Variants in CA10 observed in about 807,000 individuals in gnomAD.
The protein encoded by CA10 is carbonic anhydrase-related protein 10.
In CA10, 14 loss-of-function variants were observed where a neutral mutation model predicts 44.2. The ratio of observed to expected loss-of-function variants is 0.32; its 90% confidence interval spans 0.21 to 0.50. CA10 has a LOEUF of 0.50. Among genes scored for constraint, CA10 ranks in the 20% least tolerant of loss-of-function variants. The pLI is 0.99. For synonymous variants in CA10, 159 were observed against 141.6 expected (o/e 1.12, Z -0.87); for missense variants, 350 against 409.7 (o/e 0.85, Z 1.26).
rs368031143 is a variant in CA10 at position 52,092,254 on chromosome 17, G to T, written c.62-19861C>A. Among the ~76,000 whole-genome samples the T allele has an allele frequency of 1.2e-4, 18 of 152,202 alleles. No individual in the cohort carries two copies. The East Asian group carries it at 2.9e-3, about 25-fold the overall frequency. ...AGAATTTTTTCTTAAAAGGGAAGGG[G>T]ACTAATATAGCATTTACTTTTTCTG... On this transcript the variant is annotated intron_variant, in intron 1 of 8. Coordinates refer to ENST00000451037, the MANE Select transcript of CA10 (RefSeq NM_020178.5).
intron 4 of CA10, among the ~76,000 whole-genome samples, chr17:51,744,502 G>A (rs58617634): frequency 8.2e-5 from 12 of 146,382 alleles, no homozygotes; most frequent in African/African-American, 1.4e-4. Context: ...AGCACTTTGT[G>A]GGGGGGCCAA....
At chr17:51,845,322 C>T (rs1479926210) in intron 3 of CA10, among the ~76,000 whole-genome samples, 2 of 152,182 alleles carry the variant, frequency 1.3e-5, no homozygotes, top group African/African-American at 2.4e-5. Flanking sequence ...TTGGATCTCT[C>T]ACTCCAGTGG....
chr17:51,652,963 G>A (rs2106328), intron 5 of CA10, among the ~76,000 whole-genome samples: 66,749 of 151,726 alleles, frequency 0.44, 15,658 homozygotes, highest in Admixed American at 0.53. Flanking sequence ...TTGCATACCT[G>A]CTTCTCTCTA....
chr17:51,724,610 T>C lies in CA10; in HGVS notation c.465+23023A>G, dbSNP rs112851532. Reference sequence around the variant, plus strand: ...TGGAAAACGGTGGGTAAATTTTTCCTTTTTTTAAATTTTGTTTTCTCAGAA... The same window carrying C: ...TGGAAAACGGTGGGTAAATTTTTCCCTTTTTTAAATTTTGTTTTCTCAGAA... On this transcript the variant is annotated intron_variant, in intron 4 of 8. Coordinates refer to ENST00000451037, the MANE Select transcript of CA10 (RefSeq NM_020178.5). Among the ~76,000 whole-genome samples, 584 of 152,324 alleles carry C rather than the reference T, an allele frequency of 3.8e-3. 7 individuals carry two copies. The highest frequency in any genetic ancestry group is 0.017 in the Middle Eastern group (5 of 294).
chr17:51,725,845 T>C (rs1443618709), intron 4 of CA10, among the ~76,000 whole-genome samples: 1 of 152,198 alleles, frequency 6.6e-6, no homozygotes, highest in Non-Finnish European at 1.5e-5. Flanking sequence ...GTGCCTACTC[T>C]ATGCTGGACA....
intron 2 of CA10, among the ~76,000 whole-genome samples, chr17:51,969,129 A>C (rs1362712907): frequency 6.6e-6 from 1 of 151,986 alleles, no homozygotes; most frequent in African/African-American, 2.4e-5. Flanking sequence ...AAATGTCTTC[A>C]AAACCTAAAT....
intron 4 of CA10, among the ~76,000 whole-genome samples, chr17:51,668,328 G>C (rs1162617606): frequency 6.6e-6 from 1 of 152,222 alleles, no homozygotes; most frequent in South Asian, 2.1e-4. Flanking sequence ...GAGAGAGAGA[G>C]AGAAACCCAG....
chr17:51,819,787 C>G (rs1019198881), intron 3 of CA10, among the ~76,000 whole-genome samples: 9 of 152,148 alleles, frequency 5.9e-5, no homozygotes, highest in Non-Finnish European at 1.0e-4. Context: ...AATAACTCTC[C>G]CCTCTCTTCC....
chr17:51,944,366 C>T (rs539692975), intron 2 of CA10, among the ~76,000 whole-genome samples: 5 of 152,244 alleles, frequency 3.3e-5, no homozygotes, highest in Non-Finnish European at 7.4e-5. Context: ...GCAACCAGAC[C>T]CTGCCCCTCA....
rs146149381 is a variant in CA10, at chr17:51,725,413, C to A, written c.465+22220G>T. On this transcript the variant is annotated intron_variant, in intron 4 of 8. Coordinates refer to ENST00000451037, the MANE Select transcript of CA10 (RefSeq NM_020178.5). ...AATGTCAAGGTTACATCAGCGTGAGCCACTTACTTTTCAGGGAGGGAAGTG... is the reference window on the plus strand; with the variant it reads ...AATGTCAAGGTTACATCAGCGTGAGACACTTACTTTTCAGGGAGGGAAGTG... 8.0e-3 allele frequency among the ~76,000 whole-genome samples: 1,214 copies of A among 152,304 alleles called. 4 individuals are homozygous for A. The highest frequency in any genetic ancestry group is 0.013 in the Non-Finnish European group (877 of 68,036).
At chr17:51,910,101 G>A (rs985740844) in intron 3 of CA10, among the ~76,000 whole-genome samples, 6 of 152,046 alleles carry the variant, frequency 3.9e-5, no homozygotes, top group African/African-American at 1.4e-4. Flanking sequence ...CAGGGTAATA[G>A]GAATGAATAA....
At chr17:51,694,191 C>T (rs553780069) in intron 4 of CA10, among the ~76,000 whole-genome samples, 5 of 149,926 alleles carry the variant, frequency 3.3e-5, no homozygotes, top group South Asian at 2.1e-4. Context: ...GCAACAAGAG[C>T]GAAACTCCGT....
chr17:51,854,307 C>G (rs1025887296), intron 3 of CA10, among the ~76,000 whole-genome samples: 3 of 152,156 alleles, frequency 2.0e-5, no homozygotes, highest in Admixed American at 2.0e-4. Flanking sequence ...TCAGTGAGGT[C>G]AGGCAGTCTT....
intron 2 of CA10, among the ~76,000 whole-genome samples, chr17:52,023,182 C>T (rs1353748565): frequency 1.3e-5 from 2 of 152,012 alleles, no homozygotes; most frequent in Admixed American, 6.6e-5. Flanking sequence ...AGTCAGACTT[C>T]ATCACATTAC....
At chr17:52,084,402 G>T (rs899577708) in intron 1 of CA10, among the ~76,000 whole-genome samples, 1 of 152,150 alleles carries the variant, frequency 6.6e-6, no homozygotes, top group Non-Finnish European at 1.5e-5. Flanking sequence ...GACAGGTGCT[G>T]TCACATACTT....
At chr17:51,714,433 G>C (rs1236580210) in intron 4 of CA10, among the ~76,000 whole-genome samples, 1 of 152,098 alleles carries the variant, frequency 6.6e-6, no homozygotes, top group Non-Finnish European at 1.5e-5. Context: ...GTATAAAAAG[G>C]GCCAAGTATT....
chr17:52,012,153 G>T (rs1012236942), intron 2 of CA10, among the ~76,000 whole-genome samples: 2 of 151,998 alleles, frequency 1.3e-5, no homozygotes, highest in Non-Finnish European at 2.9e-5. Context: ...CAATGATTTT[G>T]TAATGATTAT....
chr17:51,645,580 G>A (rs1913297152), intron 6 of CA10, among the ~76,000 whole-genome samples: 1 of 152,124 alleles, frequency 6.6e-6, no homozygotes, highest in Non-Finnish European at 1.5e-5. Flanking sequence ...CATGCAAATA[G>A]CAAAAAGATG....
At chr17:51,635,822 C>A in intron 7 of CA10, 33 bp downstream of exon 7, 1 of 1,492,308 alleles carries the variant, frequency 6.7e-7, no homozygotes. Context: ...CATCATTCTT[C>A]TCCATTAGCT....
Sources: gnomAD v4.1 joint callset for allele counts (sites outside exome capture counted in the v4.1 genomes callset) on GRCh38, gnomAD v4.1.1 for gene constraint, MANE v1.5 for transcripts, NCBI Gene and HGNC (gene_info 2026-07-23, HGNC 2026-07-21) for gene names.